Variants in MYO18B observed in about 807,000 individuals in gnomAD.
MYO18B encodes the protein unconventional myosin-XVIIIb.
MYO18B carries 204 observed loss-of-function variants against 273.0 expected under a neutral mutation model. That is an observed-to-expected ratio of 0.75 (90% CI 0.67 to 0.84). The LOEUF (loss-of-function observed/expected upper bound fraction) is 0.84, where lower values mean the gene tolerates loss of function less well. Among genes scored for constraint, MYO18B ranks in the 40% least tolerant of loss-of-function variants. The probability of loss-of-function intolerance (pLI) is 0.00; values close to 1 mark genes in which losing one functional copy is unlikely to be tolerated. For missense variants in MYO18B, 3,212 were observed against 3,287.6 expected, an observed-to-expected ratio of 0.98 and a Z score of 0.56; for synonymous variants, 1,330 against 1,305.7, an observed-to-expected ratio of 1.02 and a Z score of -0.40.
intron 41 of MYO18B, among the ~76,000 whole-genome samples, chr22:26,004,270 C>T (rs1362465278): frequency 1.3e-5 from 2 of 152,024 alleles, no homozygotes; most frequent in African/African-American, 4.8e-5. Context: ...AAGTAGAGTC[C>T]CTGTTTTAAA....
intron 42 of MYO18B, among the ~76,000 whole-genome samples, chr22:26,021,197 TAGAA>T (rs1569302306): frequency 1.3e-5 from 2 of 152,240 alleles, no homozygotes; most frequent in Non-Finnish European, 2.9e-5. Context: ...CCTTGCAGGT[TAGAA>T]AGAGTGGCAA....
chr22:25,942,400 G>A (rs1022627378), intron 34 of MYO18B, among the ~76,000 whole-genome samples: 1 of 152,242 alleles, frequency 6.6e-6, no homozygotes, highest in Non-Finnish European at 1.5e-5. Context: ...TCCTGATGCT[G>A]CCTAAGAGGT....
At position 25,972,451 on chromosome 22, in the gene MYO18B, T is replaced by C. The variant is rs771035670; in HGVS notation, c.6156+17087T>C. 3.3e-5 allele frequency among the ~76,000 whole-genome samples: 5 copies of C among 152,268 alleles called. No individual in the cohort carries two copies. In the East Asian group the frequency reaches 9.6e-4, roughly 29 times the overall value. On this transcript the variant is annotated intron_variant, in intron 39 of 43. Transcript: ENST00000335473. Reference sequence around the variant, plus strand: ...ATTCTCTTCAATTTCGTGTGACTTATGGCTTTACTTTTCAAAATATATTCG... The same window carrying C: ...ATTCTCTTCAATTTCGTGTGACTTACGGCTTTACTTTTCAAAATATATTCG...
At chr22:25,888,010 C>T (rs1172936867) in intron 25 of MYO18B, among the ~76,000 whole-genome samples, 1 of 152,114 alleles carries the variant, frequency 6.6e-6, no homozygotes, top group Non-Finnish European at 1.5e-5. Context: ...CTGGCTTGCA[C>T]CTCCCTGTAT....
intron 42 of MYO18B, among the ~76,000 whole-genome samples, chr22:26,012,981 C>T (rs1041332990): frequency 6.6e-6 from 1 of 152,160 alleles, no homozygotes; most frequent in Non-Finnish European, 1.5e-5. Context: ...GCCACCACCT[C>T]CTCCTTCCTC....
chr22:25,986,351 T>C (rs2093202413), intron 39 of MYO18B, among the ~76,000 whole-genome samples: 1 of 152,356 alleles, frequency 6.6e-6, no homozygotes, highest in South Asian at 2.1e-4. Context: ...AAGATAATTC[T>C]TATTCTTTAC....
intron 34 of MYO18B, among the ~76,000 whole-genome samples, chr22:25,924,735 T>C (rs112543300): frequency 6.0e-4 from 91 of 152,198 alleles, no homozygotes; most frequent in African/African-American, 2.1e-3. Flanking sequence ...TTTTAGAGGA[T>C]TGTACTTCTG....
At chr22:25,965,517 A>G (rs1399994141) in intron 39 of MYO18B, among the ~76,000 whole-genome samples, 1 of 152,116 alleles carries the variant, frequency 6.6e-6, no homozygotes, top group African/African-American at 2.4e-5. Flanking sequence ...GTGTTTGCCA[A>G]TTTCTGTGGT....
At chr22:25,930,585 A>C (rs2092484890) in intron 34 of MYO18B, among the ~76,000 whole-genome samples, 1 of 150,618 alleles carries the variant, frequency 6.6e-6, no homozygotes, top group African/African-American at 2.4e-5. Context: ...ATCGCGGTTT[A>C]CTACAGCCTC....
intron 34 of MYO18B, among the ~76,000 whole-genome samples, chr22:25,939,724 A>G (rs1164713634): frequency 2.5e-4 from 38 of 152,152 alleles, no homozygotes; most frequent in Admixed American, 2.5e-3. Context: ...ACCATACCAC[A>G]TTTTTTGTAC....
intron 37 of MYO18B, among the ~76,000 whole-genome samples, chr22:25,951,765 G>A (rs2092795336): frequency 1.3e-5 from 2 of 152,164 alleles, no homozygotes; most frequent in South Asian, 4.1e-4. Flanking sequence ...ACAACAAATG[G>A]AACAGCAGCA....
chr22:25,937,666 A>G (rs1348229059), intron 34 of MYO18B, among the ~76,000 whole-genome samples: 1 of 147,456 alleles, frequency 6.8e-6, no homozygotes, highest in Non-Finnish European at 1.5e-5. Context: ...GCTCACCACA[A>G]CCTCTGCCTC....
chr22:25,921,225 C>T, intron 33 of MYO18B, 32 bp from the exon 34 acceptor site: 2 of 1,535,960 alleles, frequency 1.3e-6, no homozygotes, highest in Non-Finnish European at 1.8e-6. Context: ...TGCTTTGCCA[C>T]CTAAGCTCAT....
chr22:25,955,412 T>A, intron 39 of MYO18B, 48 bp downstream of exon 39: 1 of 1,550,124 alleles, frequency 6.5e-7, no homozygotes, highest in Non-Finnish European at 8.8e-7. Flanking sequence ...GGGTTTGCAA[T>A]GTGGTAGACC....
At chr22:25,992,515 G>A (rs746758691) in intron 40 of MYO18B, 22 bp downstream of exon 40, 26 of 1,613,190 alleles carry the variant, frequency 1.6e-5, no homozygotes, top group East Asian at 6.7e-5. Context: ...GGGGCTCGGC[G>A]GGGCTGGGCG....
intron 13 of MYO18B, among the ~76,000 whole-genome samples, chr22:25,824,062 A>G (rs1601807609): frequency 6.6e-6 from 1 of 152,100 alleles, no homozygotes; most frequent in Admixed American, 6.5e-5. Flanking sequence ...TGCGAGGTGG[A>G]GGGATGGGAG....
At chr22:26,047,118 T>C in the MYO18B span, among the ~76,000 whole-genome samples, 8 of 147,390 alleles carry the variant, frequency 5.4e-5, no homozygotes, top group African/African-American at 7.7e-5. Flanking sequence ...CTTCTATTAG[T>C]TGGCCCATTT....
chr22:25,874,489 G>T, intron 23 of MYO18B, 75 bp downstream of exon 23: 1 of 1,531,770 alleles, frequency 6.5e-7, no homozygotes, highest in South Asian at 1.2e-5. Context: ...TGTCTTTCAG[G>T]ATGATACCGG....
rs1242804803 is a variant in MYO18B at position 25,851,473 on chromosome 22, A to G, written c.3779A>G (p.Tyr1260Cys). The change falls in exon 21 of 44, where the codon TAT (tyrosine) becomes TGT (cysteine). Residue 1260 changes from tyrosine to cysteine, a missense_variant. By Grantham distance (194) the Tyr-to-Cys change is radical. Transcript: ENST00000335473. Reference protein sequence around the residue: ...LEALRLHRTGYADHMGLTRFR... With the variant: ...LEALRLHRTGCADHMGLTRFR... ...CTGCCTGCTCCTACCTCCCTAGGCT[A>G]TGCTGACCACATGGGGCTCACTCGC... 3.2e-6 allele frequency: 5 copies of G among 1,553,626 alleles called. No individual in the cohort carries two copies. The highest frequency in any genetic ancestry group is 1.9e-5 in the Admixed American group (1 of 51,354).
Sources: gnomAD v4.1 joint callset for allele counts (sites outside exome capture counted in the v4.1 genomes callset) on GRCh38, gnomAD v4.1.1 for gene constraint, MANE v1.5 for transcripts, NCBI Gene and HGNC (gene_info 2026-07-23, HGNC 2026-07-21) for gene names.